LRRTM3: variants seen among roughly 807,000 people sequenced by gnomAD.
The protein encoded by LRRTM3 is leucine rich repeat transmembrane neuronal 3.
In LRRTM3, 24 loss-of-function variants were observed where a neutral mutation model predicts 44.7. The ratio of observed to expected loss-of-function variants is 0.54; its 90% CI spans 0.39 to 0.76. The LOEUF (loss-of-function observed/expected upper bound fraction) is 0.76, where lower values mean the gene tolerates loss of function less well. Among genes scored for constraint, LRRTM3 ranks in the 30% least tolerant of loss-of-function variants. The probability of loss-of-function intolerance (pLI) is 0.00; values close to 1 mark genes in which losing one functional copy is unlikely to be tolerated. For synonymous variants in LRRTM3, 277 were observed against 278.7 expected (o/e 0.99, Z 0.06); for missense variants, 587 against 702.2 (o/e 0.84, Z 1.85).
intron 2 of LRRTM3, among the ~76,000 whole-genome samples, chr10:66,981,337 G>C (rs1372502999): frequency 6.6e-6 from 1 of 152,062 alleles, no homozygotes; most frequent in African/African-American, 2.4e-5. Context: ...GTTCTGATTA[G>C]ACCTCCTGCT....
Position 66,928,256 on chromosome 10 carries a change from C to A in LRRTM3, c.1340C>A (p.Ala447Glu), listed in dbSNP as rs1164365626. 1.2e-6 allele frequency: 2 copies of A among 1,614,044 alleles called. No individual in the cohort carries two copies. Among genetic ancestry groups the A allele is most frequent in the Non-Finnish European group, 8.5e-7 (1 of 1,180,028 alleles). Residue 447 changes from alanine to glutamate, a missense_variant, in exon 2 of 3, where the codon GCG becomes GAG. By Grantham distance (107) the Ala-to-Glu change is moderately radical. Coordinates refer to ENST00000361320, the MANE Select transcript of LRRTM3 (RefSeq NM_178011.5). ...TACGTGTCATGGAAGCGGTACCCTG[C>A]GAGCATGAAGCAGCTGCAGCAGCGC... ...VIYVSWKRYPASMKQLQQRSL... is the reference protein window; with the variant it reads ...VIYVSWKRYPESMKQLQQRSL...
chr10:66,996,875 G>A (rs144019213), intron 2 of LRRTM3, among the ~76,000 whole-genome samples: 9 of 152,102 alleles, frequency 5.9e-5, no homozygotes, highest in African/African-American at 1.9e-4. Flanking sequence ...ATCTGTAAAT[G>A]TTCAGCAATT....
intron 2 of LRRTM3, among the ~76,000 whole-genome samples, chr10:67,087,063 C>A (rs1039494832): frequency 3.3e-5 from 5 of 152,010 alleles, no homozygotes; most frequent in Admixed American, 1.3e-4. Context: ...ATTAGAGAGG[C>A]TTTTGAGCCA....
intron 2 of LRRTM3, among the ~76,000 whole-genome samples, chr10:66,961,557 AG>A (rs1849109453): frequency 6.6e-6 from 1 of 152,064 alleles, no homozygotes; most frequent in Non-Finnish European, 1.5e-5. Context: ...GTCCCAGGTT[AG>A]CCCTTGGACC....
chr10:67,096,752 T>A (rs1858017266), intron 2 of LRRTM3, among the ~76,000 whole-genome samples: 1 of 151,894 alleles, frequency 6.6e-6, no homozygotes, highest in Non-Finnish European at 1.5e-5. Context: ...AGAACTTGCT[T>A]TCTTTAGTTG....
chr10:67,098,966 A>T lies in LRRTM3; in HGVS notation c.*1170A>T, dbSNP rs1305315929. 2 of 151,784 alleles carry T rather than the reference A, an allele frequency of 1.3e-5. No individual in the cohort carries two copies. Among genetic ancestry groups the T allele is most frequent in the Non-Finnish European group, 2.9e-5 (2 of 67,852 alleles). 9.4% of individuals were successfully genotyped at this position (151,784 alleles called of 1,614,324 possible). ...TTTGTTTTGCGTTGTGCACTACATC[A>T]TTTCTCTCCTGAGGAAGAATTTTAA... On this transcript the variant is annotated 3_prime_UTR_variant, in exon 3 of 3. Coordinates refer to ENST00000361320, the MANE Select transcript of LRRTM3 (RefSeq NM_178011.5).
intron 2 of LRRTM3, among the ~76,000 whole-genome samples, chr10:66,972,918 A>C (rs1460103606): frequency 1.3e-5 from 2 of 151,904 alleles, no homozygotes; most frequent in Non-Finnish European, 2.9e-5. Flanking sequence ...CACCATGTTG[A>C]CAAGTTTCAT....
chr10:66,977,266 G>A (rs760771740), intron 2 of LRRTM3, among the ~76,000 whole-genome samples: 11 of 151,898 alleles, frequency 7.2e-5, no homozygotes, highest in Admixed American at 2.0e-4. Flanking sequence ...GTGAAACCCC[G>A]TCTCTACTAA....
chr10:66,966,309 A>G (rs960214860), intron 2 of LRRTM3, among the ~76,000 whole-genome samples: 4 of 152,134 alleles, frequency 2.6e-5, no homozygotes, highest in Admixed American at 6.5e-5. Context: ...AAAAAGTCTT[A>G]TTCTCATTTT....
chr10:66,971,031 A>G (rs1210300153), intron 2 of LRRTM3, among the ~76,000 whole-genome samples: 1 of 152,118 alleles, frequency 6.6e-6, no homozygotes. Flanking sequence ...GAGTATTTGC[A>G]TTATTTGCTC....
At chr10:67,012,400 TTTTCA>T (rs1362987466) in intron 2 of LRRTM3, 1 of 152,190 alleles carries the variant, frequency 6.6e-6, no homozygotes, top group Non-Finnish European at 1.5e-5. Flanking sequence ...TTAGGTTGAT[TTTTCA>T]TTTAAAAATT....
chr10:67,051,484 G>A (rs1855095511), intron 2 of LRRTM3, among the ~76,000 whole-genome samples: 1 of 146,674 alleles, frequency 6.8e-6, no homozygotes, highest in South Asian at 2.1e-4. Context: ...TTTGGTGACG[G>A]AGTCTCACCC....
chr10:66,957,563 C>T (rs940338242), intron 2 of LRRTM3, among the ~76,000 whole-genome samples: 3 of 151,460 alleles, frequency 2.0e-5, no homozygotes, highest in Non-Finnish European at 4.4e-5. Context: ...GGGTCCCAGT[C>T]CCAGCACTGG....
intron 2 of LRRTM3, among the ~76,000 whole-genome samples, chr10:66,946,081 AAC>A (rs1848258329): frequency 6.6e-6 from 1 of 152,190 alleles, no homozygotes; most frequent in African/African-American, 2.4e-5. Context: ...GCTGTTGAAA[AAC>A]AGAGCTCATA....
chr10:67,084,017 G>A (rs1268496351), intron 2 of LRRTM3, among the ~76,000 whole-genome samples: 1 of 152,120 alleles, frequency 6.6e-6, no homozygotes, highest in Non-Finnish European at 1.5e-5. Flanking sequence ...TCAAGGAAGA[G>A]GTTCGTTGCT....
At chr10:67,000,207 A>G (rs79334913) in intron 2 of LRRTM3, among the ~76,000 whole-genome samples, 1,559 of 152,312 alleles carry the variant, frequency 0.01, 24 homozygotes, top group African/African-American at 0.035. Context: ...AGAAACATTT[A>G]CAAGAATCTT....
chr10:66,959,920 T>A (rs1200847509), intron 2 of LRRTM3, among the ~76,000 whole-genome samples: 2 of 152,150 alleles, frequency 1.3e-5, no homozygotes, highest in African/African-American at 2.4e-5. Context: ...TCTATACTCC[T>A]ATGTCTAAGT....
At chr10:67,049,032 T>G (rs1589660526) in intron 2 of LRRTM3, among the ~76,000 whole-genome samples, 1 of 632 alleles carries the variant, frequency 1.6e-3, no homozygotes, top group African/African-American at 0.019. Context: ...GATAACTGGT[T>G]TTTTTTTTTT....
At chr10:66,996,711 A>T (rs1339857225) in intron 2 of LRRTM3, among the ~76,000 whole-genome samples, 1 of 146,250 alleles carries the variant, frequency 6.8e-6, no homozygotes, top group Non-Finnish European at 1.5e-5. Flanking sequence ...ATTTGAGTTA[A>T]TTAGCGCCTA....
Sources: allele counts gnomAD v4.1 joint callset (sites outside exome capture counted in the v4.1 genomes callset), GRCh38; gene constraint gnomAD v4.1.1; transcripts MANE v1.5; gene names NCBI Gene and HGNC (gene_info 2026-07-23, HGNC 2026-07-21).